The following EIF4G3 variants were observed in gnomAD, a reference collection of about 807,000 sequenced individuals.
EIF4G3 encodes eIF-4-gamma 3.
In EIF4G3, 34 loss-of-function variants were observed where a neutral mutation model predicts 186.4. The observed-to-expected ratio is 0.18, with a 90% CI of 0.14 to 0.24. EIF4G3 has a LOEUF of 0.24. Ranked by LOEUF, EIF4G3 falls within the 10% of genes least tolerant of loss-of-function variation. The pLI, the probability that EIF4G3 is intolerant of heterozygous loss-of-function variation, is 1.00. For synonymous variants in EIF4G3, 673 were observed against 679.5 expected (o/e 0.99, Z 0.15); for missense variants, 1,536 against 1,948.5 (o/e 0.79, Z 3.99).
rs140755289 is a variant in EIF4G3 at position 21,051,084 on chromosome 1, TCCTA to T, written c.-195-94_-195-91del. The T allele has an allele frequency of 0.011, 7,587 of 689,058 alleles. 369 individuals are homozygous for T. In the African/African-American group the frequency reaches 0.11, roughly 10 times the overall value. 42.7% of individuals were successfully genotyped at this position (689,058 alleles called of 1,614,324 possible). On this transcript the variant is annotated intron_variant, in intron 3 of 36. Transcript: ENST00000602326. ...GAACTATCTGATTTTTAATTGGATTTCCTACCTCACAACTTACACTAAAATAAGC... is the reference window on the plus strand; with the variant it reads ...GAACTATCTGATTTTTAATTGGATTTCCTCACAACTTACACTAAAATAAGC...
chr1:21,086,894 G>A (rs969776885), intron 3 of EIF4G3, among the ~76,000 whole-genome samples: 3 of 148,790 alleles, frequency 2.0e-5, no homozygotes, highest in Non-Finnish European at 4.4e-5. Context: ...AGCCAAGATC[G>A]AGCCACGGCA....
intron 2 of EIF4G3, among the ~76,000 whole-genome samples, chr1:21,101,166 C>A (rs1298729834): frequency 6.6e-6 from 1 of 152,052 alleles, no homozygotes; most frequent in Non-Finnish European, 1.5e-5. Context: ...AGTGAAAAAT[C>A]ATGGTTAACT....
intron 4 of EIF4G3, among the ~76,000 whole-genome samples, chr1:21,045,371 T>C (rs886730157): frequency 6.6e-6 from 1 of 152,166 alleles, no homozygotes; most frequent in Non-Finnish European, 1.5e-5. Flanking sequence ...GCTTAGTATT[T>C]CCAGAGACAA....
At chr1:20,822,765 C>A (rs1269752091) in intron 33 of EIF4G3, among the ~76,000 whole-genome samples, 3 of 151,718 alleles carry the variant, frequency 2.0e-5, no homozygotes, top group African/African-American at 7.3e-5. Context: ...AGGTTATTGA[C>A]CTTTCTTCTT....
rs916373136 is a variant in EIF4G3 at position 20,813,626 on chromosome 1, G to A, written c.4516-387C>T. Among the ~76,000 whole-genome samples the A allele has an allele frequency of 2.0e-5, 3 of 151,992 alleles. No individual in the cohort carries two copies. The East Asian group carries it at 5.9e-4, about 30-fold the overall frequency. Reference sequence around the variant, plus strand: ...TCATGCCTGTAATCCCAGCACTTTGGGAGGCTGAAGAGGATGGATCACCTG... The same window carrying A: ...TCATGCCTGTAATCCCAGCACTTTGAGAGGCTGAAGAGGATGGATCACCTG... On this transcript the variant is annotated intron_variant, in intron 34 of 36. Coordinates refer to ENST00000602326, the MANE Select transcript of EIF4G3 (RefSeq NM_001391906.1).
intron 2 of EIF4G3, among the ~76,000 whole-genome samples, chr1:21,123,054 G>A (rs1330880345): frequency 6.6e-6 from 1 of 152,102 alleles, no homozygotes; most frequent in African/African-American, 2.4e-5. Context: ...TTCCTCTTGT[G>A]TCTTCCATTA....
intron 2 of EIF4G3, among the ~76,000 whole-genome samples, chr1:21,099,002 G>A (rs141039630): frequency 6.6e-6 from 1 of 152,042 alleles, no homozygotes; most frequent in East Asian, 1.9e-4. Flanking sequence ...CACAAATAAA[G>A]ACACAAAAGG....
chr1:21,015,515 G>C (rs999337418), intron 4 of EIF4G3, among the ~76,000 whole-genome samples: 2 of 152,134 alleles, frequency 1.3e-5, no homozygotes, highest in Admixed American at 1.3e-4. Flanking sequence ...AGTGGCTCAT[G>C]CTTGTAATTG....
chr1:21,145,394 G>A (rs927093908), intron 2 of EIF4G3, among the ~76,000 whole-genome samples: 3 of 150,386 alleles, frequency 2.0e-5, no homozygotes, highest in East Asian at 1.9e-4. Context: ...CCAATGATCC[G>A]GACCAACATA....
intron 2 of EIF4G3, among the ~76,000 whole-genome samples, chr1:21,106,813 G>A (rs2096626271): frequency 6.6e-6 from 1 of 152,114 alleles, no homozygotes; most frequent in Admixed American, 6.6e-5. Context: ...GCAGAGAAGT[G>A]GCCACTGAGG....
intron 14 of EIF4G3, chr1:20,929,364 G>T (rs1180291949): frequency 6.6e-6 from 1 of 152,132 alleles, no homozygotes; most frequent in Non-Finnish European, 1.5e-5. Flanking sequence ...GAAGATAAAT[G>T]ACATAATGGG....
At chr1:21,117,731 T>C (rs2096849503) in intron 2 of EIF4G3, among the ~76,000 whole-genome samples, 1 of 36,888 alleles carries the variant, frequency 2.7e-5, no homozygotes, top group Non-Finnish European at 5.6e-5. Context: ...TGTCCCAGTA[T>C]ATAGTAAAAA....
At chr1:20,941,335 T>G in intron 14 of EIF4G3, 156 bp downstream of exon 14, 1 of 1,573,424 alleles carries the variant, frequency 6.4e-7, no homozygotes, top group Non-Finnish European at 8.6e-7. Context: ...CAGGTTGTAC[T>G]AAAACACAAA....
intron 19 of EIF4G3, among the ~76,000 whole-genome samples, chr1:20,883,000 T>C (rs34524684): frequency 0.028 from 4,247 of 151,652 alleles, 91 homozygotes; most frequent in Middle Eastern, 0.051. Flanking sequence ...GAGGATCGCT[T>C]GAGCCCAGCA....
intron 2 of EIF4G3, among the ~76,000 whole-genome samples, chr1:21,095,051 C>T (rs1392423154): frequency 2.0e-5 from 3 of 152,046 alleles, no homozygotes; most frequent in South Asian, 2.1e-4. Flanking sequence ...TTAATGCTGG[C>T]TGTTAATTCA....
intron 2 of EIF4G3, among the ~76,000 whole-genome samples, chr1:21,172,769 C>T (rs1031264127): frequency 1.2e-4 from 18 of 148,066 alleles, no homozygotes; most frequent in African/African-American, 4.5e-4. Flanking sequence ...AGGATGGTCT[C>T]GATCTCCTGA....
At chr1:20,896,476 AAG>A (rs957772699) in intron 16 of EIF4G3, among the ~76,000 whole-genome samples, 6 of 151,702 alleles carry the variant, frequency 4.0e-5, no homozygotes, top group Non-Finnish European at 5.9e-5. Context: ...AAAAAGGAAA[AAG>A]AAATATTTTT....
At chr1:21,053,886 G>A (rs997891304) in intron 3 of EIF4G3, among the ~76,000 whole-genome samples, 11 of 151,376 alleles carry the variant, frequency 7.3e-5, no homozygotes, top group South Asian at 2.1e-4. Flanking sequence ...CCCCGTCTGC[G>A]AGGTGAGGGG....
intron 15 of EIF4G3, among the ~76,000 whole-genome samples, chr1:20,902,256 G>T (rs1558152326): frequency 6.6e-6 from 1 of 152,042 alleles, no homozygotes; most frequent in Non-Finnish European, 1.5e-5. Context: ...TAGAGACAGG[G>T]TTTCACCATG....
Sources: gnomAD v4.1 joint callset for allele counts (sites outside exome capture counted in the v4.1 genomes callset) on GRCh38, gnomAD v4.1.1 for gene constraint, MANE v1.5 for transcripts, NCBI Gene and HGNC (gene_info 2026-07-23, HGNC 2026-07-21) for gene names.